TBCD: variants seen among roughly 807,000 people sequenced by gnomAD.
TBCD encodes the protein tubulin-specific chaperone D.
TBCD carries 105 observed loss-of-function variants against 169.3 expected under a neutral mutation model. The ratio of observed to expected loss-of-function variants is 0.62; its 90% CI spans 0.53 to 0.73. The LOEUF is 0.73. TBCD is among the 30% of genes least tolerant of loss of function. The pLI is 0.00. For missense variants in TBCD, 1,444 were observed against 1,600.1 expected (o/e 0.90, Z 1.66); for synonymous variants, 700 against 643.9 (o/e 1.09, Z -1.32).
rs774322104 is a variant in TBCD, at chr17:82,929,365, C to A, written c.2856C>A (p.Ser952=). The change falls in exon 32 of 39, where the codon TCC becomes TCA. Residue 952 remains serine, a synonymous_variant. Transcript: ENST00000355528. ...TGTCTCACTCACTCTCTTGCAGGTC[C>A]GATGTGGCCTCCGTGAACTGGAGTG... ...RGELEKLFPR[S]DVASVNWSAP... The A allele has an allele frequency of 6.2e-7, 1 of 1,612,602 alleles. No individual in the cohort carries two copies. Among genetic ancestry groups the A allele is most frequent in the Non-Finnish European group, 8.5e-7 (1 of 1,179,202 alleles).
At chr17:82,876,423 T>C (rs1398178312) in intron 14 of TBCD, among the ~76,000 whole-genome samples, 6 of 152,232 alleles carry the variant, frequency 3.9e-5, no homozygotes, top group Non-Finnish European at 8.8e-5. Flanking sequence ...GGTGACTCAC[T>C]CAGGGTGTTC....
Position 82,909,264 on chromosome 17 carries a change from CTT to C in TBCD, c.1984-19_1984-18del, listed in dbSNP as rs2146885336. The stretch of plus-strand genomic sequence containing the variant: ...TTTTAAAATTTAAATCATTAAATAA[CTT>C]TCAGTTTTTTATTTTCAGCTCTATG... On this transcript the variant is annotated intron_variant, in intron 21 of 38. Coordinates refer to ENST00000355528, the MANE Select transcript of TBCD (RefSeq NM_005993.5). 1 of 1,490,978 alleles carries C rather than the reference CTT, an allele frequency of 6.7e-7. No homozygotes were observed. The highest frequency in any genetic ancestry group is 2.5e-5 in the East Asian group (1 of 40,042). 92.4% of individuals were successfully genotyped at this position (1,490,978 alleles called of 1,614,324 possible).
At chr17:82,756,543 G>A (rs186108563) in intron 2 of TBCD, among the ~76,000 whole-genome samples, 6 of 152,108 alleles carry the variant, frequency 3.9e-5, no homozygotes, top group East Asian at 1.9e-4. Context: ...GCTGTGGCGC[G>A]ATCTCAGCTC....
chr17:82,888,119 T>C (rs79356449), intron 15 of TBCD, among the ~76,000 whole-genome samples: 2,059 of 152,334 alleles, frequency 0.014, 32 homozygotes, highest in Middle Eastern at 0.061. Flanking sequence ...TTGTGGCTCA[T>C]GTTTTTAGTG....
intron 13 of TBCD, among the ~76,000 whole-genome samples, chr17:82,825,513 G>C (rs868221466): frequency 2.0e-5 from 3 of 152,216 alleles, no homozygotes; most frequent in East Asian, 1.9e-4. Context: ...TTCTGCGTCT[G>C]ACCGTGTGCC....
chr17:82,899,069 T>C (rs1290481561), intron 17 of TBCD, among the ~76,000 whole-genome samples: 1 of 152,272 alleles, frequency 6.6e-6, no homozygotes, highest in African/African-American at 2.4e-5. Flanking sequence ...CTCCTGTGTG[T>C]CAGGTTCTTT....
intron 14 of TBCD, among the ~76,000 whole-genome samples, chr17:82,873,798 C>T (rs1010705815): frequency 1.3e-5 from 2 of 152,186 alleles, no homozygotes; most frequent in African/African-American, 2.4e-5. Flanking sequence ...TGGCGCCGCT[C>T]GGTGGCCTGC....
In TBCD at chr17:82,937,359, G is replaced by A. The variant is rs750477411; in HGVS notation, c.3280G>A (p.Val1094Met). 8.7e-6 allele frequency: 14 copies of A among 1,613,830 alleles called. No individual in the cohort carries two copies. Among genetic ancestry groups the A allele is most frequent in the African/African-American group, 1.3e-5 (1 of 74,948 alleles). ...CCAGAAGCTCCTGTCAGGCATCGCAGTGTGAGTTTCAAGTGCTGCTGGCCT... is the reference window on the plus strand; with the variant it reads ...CCAGAAGCTCCTGTCAGGCATCGCAATGTGAGTTTCAAGTGCTGCTGGCCT... ...DIQKLLSGIA[V>M]FCEMVQFPGD... Residue 1094 changes from valine (V) to methionine (M), a missense_variant and splice_region_variant, in exon 35 of 39, where the codon GTG becomes ATG. Val to Met is a conservative substitution (Grantham distance 21, BLOSUM62 1). Transcript: ENST00000355528.
At chr17:82,819,458 C>T (rs906367159) in intron 13 of TBCD, among the ~76,000 whole-genome samples, 2 of 152,222 alleles carry the variant, frequency 1.3e-5, no homozygotes, top group African/African-American at 4.8e-5. Context: ...ACTCTGTGCA[C>T]ACCACCACGC....
rs753343701 is a variant in TBCD, at chr17:82,831,608, G to A, written c.1318+16674G>A. 1.5e-4 allele frequency: 249 copies of A among 1,614,088 alleles called. 2 individuals are homozygous for A. In the Admixed American group the frequency reaches 4.1e-3, roughly 26 times the overall value. On this transcript the variant is annotated intron_variant, in intron 13 of 38. Transcript: ENST00000355528. This position sits in a 1 kb window ranked among gnomAD's most constrained non-coding sequence, Gnocchi z 4.6. Reference sequence around the variant, plus strand: ...ATCGGCCCCGGGTGAGGCAGGAAGTGTCTCGGGTCTTGGGTTCCGTAGACT... The same window carrying A: ...ATCGGCCCCGGGTGAGGCAGGAAGTATCTCGGGTCTTGGGTTCCGTAGACT...
Position 82,781,574 on chromosome 17 carries a change from G to C in TBCD, c.639-15G>C. ...TCAGTGCTGAGGCCTTGGTTGAGCT[G>C]TATCCTTTTGGCAGATTTATCACAC... On this transcript the variant is annotated splice_polypyrimidine_tract_variant and intron_variant, in intron 6 of 38. Transcript: ENST00000355528. 2 of 1,613,262 alleles carry C rather than the reference G, an allele frequency of 1.2e-6. No individual in the cohort carries two copies. The highest frequency in any genetic ancestry group is 1.7e-6 in the Non-Finnish European group (2 of 1,179,792).
intron 23 of TBCD, among the ~76,000 whole-genome samples, chr17:82,912,016 G>C (rs528306529): frequency 7.9e-5 from 12 of 152,342 alleles, no homozygotes; most frequent in African/African-American, 2.9e-4. Flanking sequence ...GTTGTGAGCT[G>C]GGAGGGGTTG....
At chr17:82,795,758 G>A in intron 7 of TBCD, 1 of 289,194 alleles carries the variant, frequency 3.5e-6, no homozygotes, top group Non-Finnish European at 5.2e-6. Flanking sequence ...TGATGCCTGG[G>A]CCTCTGCCGA....
At chr17:82,766,989 C>T (rs866658115) in intron 4 of TBCD, among the ~76,000 whole-genome samples, 3 of 152,122 alleles carry the variant, frequency 2.0e-5, no homozygotes, top group African/African-American at 7.2e-5. Flanking sequence ...CTGCCTGGCA[C>T]GAAACGAAAT....
chr17:82,813,995 C>G (rs1471895135), intron 12 of TBCD, among the ~76,000 whole-genome samples: 1 of 152,154 alleles, frequency 6.6e-6, no homozygotes, highest in Non-Finnish European at 1.5e-5. Flanking sequence ...GTGGGTTTTC[C>G]TAAACATTTA....
intron 11 of TBCD, among the ~76,000 whole-genome samples, chr17:82,809,219 A>G (rs911785763): frequency 1.1e-4 from 17 of 152,190 alleles, no homozygotes; most frequent in African/African-American, 3.9e-4. Context: ...GCCCCTGGCC[A>G]GGACCTTCCC....
intron 23 of TBCD, among the ~76,000 whole-genome samples, chr17:82,916,527 T>C (rs77766753): frequency 0.018 from 2,659 of 150,476 alleles, 74 homozygotes; most frequent in African/African-American, 0.058. Flanking sequence ...TTTTTTTTTT[T>C]CCCCACTTTG....
At chr17:82,901,577 G>A (rs1444091891) in intron 18 of TBCD, among the ~76,000 whole-genome samples, 1 of 149,832 alleles carries the variant, frequency 6.7e-6, no homozygotes. Flanking sequence ...CCGGCTACCT[G>A]CGGTGGTCCT....
At chr17:82,847,172 A>G (rs181645955) in intron 13 of TBCD, among the ~76,000 whole-genome samples, 4 of 152,096 alleles carry the variant, frequency 2.6e-5, no homozygotes, top group African/African-American at 9.6e-5. Flanking sequence ...TAACACAGTG[A>G]AACCCCGTCT....
Sources: gnomAD v4.1 joint callset for allele counts (sites outside exome capture counted in the v4.1 genomes callset) on GRCh38, gnomAD v4.1.1 for gene constraint, Gnocchi (gnomAD v3.1) non-coding constraint, MANE v1.5 for transcripts, NCBI Gene and HGNC (gene_info 2026-07-23, HGNC 2026-07-21) for gene names.